Variants in DNAJC12 observed in about 807,000 individuals in gnomAD.
The protein encoded by DNAJC12 is dnaJ homolog subfamily C member 12.
In DNAJC12, 25 loss-of-function variants were observed where a neutral mutation model predicts 28.5. The ratio of observed to expected loss-of-function variants is 0.88; its 90% confidence interval spans 0.64 to 1.22. DNAJC12 has a LOEUF of 1.22. DNAJC12 is among the 50% of genes most tolerant of loss of function. The pLI is 0.00. For missense variants in DNAJC12, 222 were observed against 231.7 expected (o/e 0.96, Z 0.27); for synonymous variants, 77 against 80.6 (o/e 0.95, Z 0.24).
chr10:67,811,912 T>C (rs1450487383), intron 2 of DNAJC12, among the ~76,000 whole-genome samples: 1 of 151,898 alleles, frequency 6.6e-6, no homozygotes, highest in Non-Finnish European at 1.5e-5. Flanking sequence ...CTACTCCCGG[T>C]GCTGATGACA....
intron 4 of DNAJC12, among the ~76,000 whole-genome samples, chr10:67,800,521 A>G (rs1841731967): frequency 6.6e-6 from 1 of 152,260 alleles, no homozygotes; most frequent in Non-Finnish European, 1.5e-5. Context: ...ATTTGCTGCC[A>G]AGTAGGCTCC....
intron 2 of DNAJC12, among the ~76,000 whole-genome samples, chr10:67,814,508 T>C (rs1031458987): frequency 6.6e-6 from 1 of 151,884 alleles, no homozygotes; most frequent in African/African-American, 2.4e-5. Context: ...AAGAAATAGA[T>C]AAATTGGACT....
chr10:67,814,610 A>G (rs11596874), intron 2 of DNAJC12, among the ~76,000 whole-genome samples: 164 of 152,354 alleles, frequency 1.1e-3, no homozygotes, highest in Non-Finnish European at 1.7e-3. Context: ...TGCAAATAAT[A>G]TATCTGATAA....
intron 1 of DNAJC12, among the ~76,000 whole-genome samples, chr10:67,830,243 G>T (rs1019016977): frequency 1.3e-5 from 2 of 151,972 alleles, no homozygotes; most frequent in Non-Finnish European, 2.9e-5. Context: ...CCTGGGAGGC[G>T]GAGGTTGCAG....
chr10:67,837,801 G>T, intron 1 of DNAJC12, 133 bp downstream of exon 1: 1 of 599,036 alleles, frequency 1.7e-6, no homozygotes, highest in Non-Finnish European at 2.8e-6. Flanking sequence ...AGCCAAAAGT[G>T]CTTTAAAACA....
intron 2 of DNAJC12, among the ~76,000 whole-genome samples, chr10:67,817,705 C>T (rs187540088): frequency 4.9e-5 from 4 of 80,836 alleles, no homozygotes; most frequent in African/African-American, 1.9e-4. Flanking sequence ...GGTGAAACCC[C>T]GTTTCCACTA....
At chr10:67,820,244 G>A (rs1006885902) in intron 2 of DNAJC12, among the ~76,000 whole-genome samples, 1 of 152,188 alleles carries the variant, frequency 6.6e-6, no homozygotes, top group African/African-American at 2.4e-5. Context: ...AGAGCAAAAG[G>A]GGATGGAGAA....
At chr10:67,834,286 T>C (rs1589051803) in intron 1 of DNAJC12, among the ~76,000 whole-genome samples, 2 of 152,188 alleles carry the variant, frequency 1.3e-5, no homozygotes, top group South Asian at 4.1e-4. Flanking sequence ...TTACAACTTT[T>C]CTGTAAGTCA....
chr10:67,838,185 C>G lies in DNAJC12; in HGVS notation c.-174G>C. Reference sequence around the variant, plus strand: ...AGATGTCATCCTAGACCTTTGTAAACTCTGCCTCTCATTGGCTGTTTACAG... The same window carrying G: ...AGATGTCATCCTAGACCTTTGTAAAGTCTGCCTCTCATTGGCTGTTTACAG... On this transcript the variant is annotated 5_prime_UTR_variant, in exon 1 of 5. Transcript: ENST00000225171. 2.0e-6 allele frequency: 1 copy of G among 493,108 alleles called. No individual in the cohort carries two copies. 30.5% of individuals were successfully genotyped at this position (493,108 alleles called of 1,614,324 possible).
At chr10:67,798,720 G>A (rs1321497435) in intron 4 of DNAJC12, among the ~76,000 whole-genome samples, 1 of 145,812 alleles carries the variant, frequency 6.9e-6, no homozygotes, top group Non-Finnish European at 1.5e-5. Flanking sequence ...AAAATTAATA[G>A]TATTTATCCC....
chr10:67,809,409 A>G lies in DNAJC12; in HGVS notation c.297+2115T>C, dbSNP rs376023072. On this transcript the variant is annotated intron_variant, in intron 3 of 4. Coordinates refer to ENST00000225171, the MANE Select transcript of DNAJC12 (RefSeq NM_021800.3). ...CCTGAATTACTGAATCCTCACTCCAAACCTTTTTTTTCAAACCAATACTAC... is the reference window on the plus strand; with the variant it reads ...CCTGAATTACTGAATCCTCACTCCAGACCTTTTTTTTCAAACCAATACTAC... 3.9e-4 allele frequency among the ~76,000 whole-genome samples: 60 copies of G among 152,194 alleles called. No individual in the cohort carries two copies. The South Asian group carries it at 0.01, about 26-fold the overall frequency.
chr10:67,798,448 G>A (rs140675973), intron 4 of DNAJC12, among the ~76,000 whole-genome samples: 2 of 152,018 alleles, frequency 1.3e-5, no homozygotes, highest in Non-Finnish European at 2.9e-5. Context: ...GGGAGGCCGA[G>A]GCAGGTGCCT....
intron 1 of DNAJC12, among the ~76,000 whole-genome samples, chr10:67,825,950 G>A (rs1212033234): frequency 6.6e-6 from 1 of 151,952 alleles, no homozygotes; most frequent in Non-Finnish European, 1.5e-5. Flanking sequence ...AAATTTTAAA[G>A]TATTAAATAT....
Position 67,796,712 on chromosome 10 carries a change from CA to C in DNAJC12, c.*403del, listed in dbSNP as rs1163061609. ...TTTATTTCTCCCCACGGGGTTCAGA[CA>C]AGTAATTTCACATTTCATTGTAAGT... On this transcript the variant is annotated 3_prime_UTR_variant, in exon 5 of 5. Coordinates refer to ENST00000225171, the MANE Select transcript of DNAJC12 (RefSeq NM_021800.3). 2 of 153,464 alleles carry C rather than the reference CA, an allele frequency of 1.3e-5. No homozygotes were observed. The highest frequency in any genetic ancestry group is 3.8e-4 in the East Asian group (2 of 5,222). 9.5% of individuals were successfully genotyped at this position (153,464 alleles called of 1,614,324 possible).
chr10:67,807,769 G>A (rs1030550455), intron 3 of DNAJC12, among the ~76,000 whole-genome samples: 3 of 152,198 alleles, frequency 2.0e-5, no homozygotes, highest in Admixed American at 6.5e-5. Context: ...CAAAGTACCT[G>A]TGGTCTGTCT....
intron 1 of DNAJC12, among the ~76,000 whole-genome samples, chr10:67,823,696 A>C (rs544159214): frequency 1.4e-5 from 1 of 72,076 alleles, no homozygotes; most frequent in East Asian, 2.1e-4. Flanking sequence ...GCAAGATCTT[A>C]TCTCAAAAAA....
intron 1 of DNAJC12, among the ~76,000 whole-genome samples, chr10:67,826,062 G>C (rs1284526252): frequency 6.6e-6 from 1 of 151,900 alleles, no homozygotes; most frequent in East Asian, 1.9e-4. Context: ...AAGTAAAAAA[G>C]TCAAAATCCT....
Position 67,823,312 on chromosome 10 carries a change from A to G in DNAJC12, c.157+2T>C, listed in dbSNP as rs899192400. 1.9e-6 allele frequency: 3 copies of G among 1,613,556 alleles called. No homozygotes were observed. In the African/African-American group the frequency reaches 4.0e-5, roughly 22 times the overall value. ...GAGAAGTAGCCTTTATTAAGTTCTT[A>G]CCAGCTTTGGGGTTTTCAGGATGCT... On this transcript the variant is annotated splice_donor_variant, in intron 2 of 4. Transcript: ENST00000225171. LOFTEE classifies it high-confidence loss of function.
chr10:67,816,539 CTTTCTTT>C (rs137948636), intron 2 of DNAJC12, among the ~76,000 whole-genome samples: 61,164 of 131,004 alleles, frequency 0.47, 16,002 homozygotes, highest in Non-Finnish European at 0.63. Context: ...CTGAAGTTTA[CTTTCTTT>C]TTTTTTTTTT....
Sources: allele counts gnomAD v4.1 joint callset (sites outside exome capture counted in the v4.1 genomes callset), GRCh38; gene constraint gnomAD v4.1.1; transcripts MANE v1.5; gene names NCBI Gene and HGNC (gene_info 2026-07-23, HGNC 2026-07-21).